The following PIK3C2G variants were observed in gnomAD, a reference collection of about 807,000 sequenced individuals.
The protein encoded by PIK3C2G is phosphatidylinositol-4-phosphate 3-kinase catalytic subunit type 2 gamma, also known as phosphatidylinositol 3-kinase C2 domain-containing subunit gamma.
A neutral mutation model predicts 181.1 loss-of-function variants in PIK3C2G; 168 were observed. The ratio of observed to expected loss-of-function variants is 0.93; its 90% CI spans 0.82 to 1.05. The LOEUF (loss-of-function observed/expected upper bound fraction) is 1.05, where lower values mean the gene tolerates loss of function less well. Ranked by LOEUF, PIK3C2G falls within the 50% of genes least tolerant of loss-of-function variation. The pLI, the probability that PIK3C2G is intolerant of heterozygous loss-of-function variation, is 0.00. For synonymous variants in PIK3C2G, 573 were observed against 592.2 expected, an observed-to-expected ratio of 0.97 and a Z score of 0.47; for missense variants, 1,869 against 1,732.8, an observed-to-expected ratio of 1.08 and a Z score of -1.40.
intron 26 of PIK3C2G, among the ~76,000 whole-genome samples, chr12:18,555,084 C>A (rs1944933124): frequency 6.6e-6 from 1 of 152,122 alleles, no homozygotes; most frequent in South Asian, 2.1e-4. Flanking sequence ...CAAATTCCTT[C>A]ACAGAAGCCT....
At chr12:18,551,700 C>A (rs1944738608) in intron 26 of PIK3C2G, among the ~76,000 whole-genome samples, 1 of 152,034 alleles carries the variant, frequency 6.6e-6, no homozygotes, top group Admixed American at 6.6e-5. Context: ...GCAAAAGAAC[C>A]CCGTCTGGTA....
At chr12:18,588,949 G>C (rs993023264) in intron 29 of PIK3C2G, among the ~76,000 whole-genome samples, 1 of 152,076 alleles carries the variant, frequency 6.6e-6, no homozygotes, top group Non-Finnish European at 1.5e-5. Context: ...CAGGAACATG[G>C]ATGGAGCTGG....
chr12:18,465,855 A>G (rs1008096039), intron 18 of PIK3C2G, among the ~76,000 whole-genome samples: 1 of 151,560 alleles, frequency 6.6e-6, no homozygotes, highest in Non-Finnish European at 1.5e-5. Flanking sequence ...ATTGCTTGGG[A>G]TACTGTCTCT....
intron 5 of PIK3C2G, among the ~76,000 whole-genome samples, chr12:18,311,219 C>A (rs988785118): frequency 2.6e-5 from 4 of 151,928 alleles, no homozygotes; most frequent in South Asian, 2.1e-4. Context: ...CACACACACA[C>A]ACGAGGACAT....
chr12:18,296,764 TCTCC>T (rs1949958504), intron 5 of PIK3C2G, among the ~76,000 whole-genome samples: 1 of 151,848 alleles, frequency 6.6e-6, no homozygotes, highest in African/African-American at 2.4e-5. Flanking sequence ...TTACTCTCAC[TCTCC>T]CTGTCTGATT....
the PIK3C2G span, among the ~76,000 whole-genome samples, chr12:18,655,538 G>A: frequency 7.2e-5 from 11 of 152,206 alleles, no homozygotes; most frequent in South Asian, 2.1e-4. Context: ...GCATAGTGAC[G>A]TCATCCTGAA....
At chr12:18,483,144 C>T (rs1482006309) in intron 18 of PIK3C2G, among the ~76,000 whole-genome samples, 1 of 152,198 alleles carries the variant, frequency 6.6e-6, no homozygotes, top group Non-Finnish European at 1.5e-5. Flanking sequence ...TCAGCCACTT[C>T]AGTCCTCAAA....
the PIK3C2G span, among the ~76,000 whole-genome samples, chr12:18,681,145 G>A: frequency 6.6e-6 from 1 of 152,002 alleles, no homozygotes; most frequent in Admixed American, 6.6e-5. Context: ...AAGGAAACAC[G>A]ACAGTTTAGC....
chr12:18,418,452 T>A (rs1487713507), intron 16 of PIK3C2G, among the ~76,000 whole-genome samples: 1 of 151,854 alleles, frequency 6.6e-6, no homozygotes. Flanking sequence ...AAATCTAGAG[T>A]GTTTTGCTAG....
At chr12:18,621,211 A>C (rs1948847671) in intron 31 of PIK3C2G, among the ~76,000 whole-genome samples, 1 of 151,984 alleles carries the variant, frequency 6.6e-6, no homozygotes, top group African/African-American at 2.4e-5. Flanking sequence ...TGAAAAAAAA[A>C]CAAAAAACAG....
chr12:18,574,259 G>A (rs1457861973), intron 29 of PIK3C2G, among the ~76,000 whole-genome samples: 1 of 152,048 alleles, frequency 6.6e-6, no homozygotes, highest in Non-Finnish European at 1.5e-5. Flanking sequence ...TGGATTTTTT[G>A]CGTTTTGATG....
At chr12:18,313,644 T>C (rs1950732272) in intron 5 of PIK3C2G, among the ~76,000 whole-genome samples, 1 of 152,122 alleles carries the variant, frequency 6.6e-6, no homozygotes, top group Non-Finnish European at 1.5e-5. Flanking sequence ...GTCTTATTTG[T>C]TAAAATTTAT....
At chr12:18,321,096 G>C (rs1238819666) in intron 7 of PIK3C2G, 64 bp downstream of exon 7, 2 of 857,684 alleles carry the variant, frequency 2.3e-6, no homozygotes, top group African/African-American at 1.7e-5. Flanking sequence ...TCAAATCTCA[G>C]TATTTTTCAG....
the PIK3C2G span, among the ~76,000 whole-genome samples, chr12:18,697,802 AT>A: frequency 0.49 from 74,072 of 151,550 alleles, 19,216 homozygotes; most frequent in African/African-American, 0.67. Flanking sequence ...CTACAACATT[AT>A]TTTTTAATGA....
chr12:18,607,336 T>G (rs1255907305), intron 30 of PIK3C2G, among the ~76,000 whole-genome samples: 1 of 152,152 alleles, frequency 6.6e-6, no homozygotes, highest in Non-Finnish European at 1.5e-5. Flanking sequence ...AGCATGGTAC[T>G]GGTACCAAAA....
At chr12:18,408,786 C>T (rs1318854632) in intron 16 of PIK3C2G, among the ~76,000 whole-genome samples, 2 of 152,030 alleles carry the variant, frequency 1.3e-5, no homozygotes, top group Non-Finnish European at 1.5e-5. Context: ...AGCCAACAAA[C>T]ATATGAAAAA....
chr12:18,665,033 G>A, the PIK3C2G span, among the ~76,000 whole-genome samples: 1 of 148,470 alleles, frequency 6.7e-6, no homozygotes, highest in Non-Finnish European at 1.5e-5. Context: ...GGGAGGGATA[G>A]CATTAGGAAA....
intron 1 of PIK3C2G, among the ~76,000 whole-genome samples, chr12:18,272,429 T>A (rs1170780615): frequency 6.6e-6 from 1 of 152,192 alleles, no homozygotes; most frequent in African/African-American, 2.4e-5. Flanking sequence ...TCTTGTGATA[T>A]TAGCAGTCAC....
intron 18 of PIK3C2G, among the ~76,000 whole-genome samples, chr12:18,425,386 CTTTTTTTT>C (rs1228477062): frequency 7.7e-5 from 5 of 65,312 alleles, no homozygotes; most frequent in Non-Finnish European, 1.1e-4. Flanking sequence ...ACAGACATTT[CTTTTTTTT>C]TTTTTTTTTT....
Sources: allele counts gnomAD v4.1 joint callset (sites outside exome capture counted in the v4.1 genomes callset), GRCh38; gene constraint gnomAD v4.1.1; transcripts MANE v1.5; gene names NCBI Gene and HGNC (gene_info 2026-07-23, HGNC 2026-07-21).